KAZN: variants seen among roughly 807,000 people sequenced by gnomAD.
KAZN encodes kazrin.
In KAZN, 40 loss-of-function variants were observed where a neutral mutation model predicts 87.4. That is an observed-to-expected ratio of 0.46 (90% CI 0.36 to 0.60). The LOEUF is 0.60. KAZN is among the 20% of genes least tolerant of loss of function. The probability of loss-of-function intolerance (pLI) is 0.00; values close to 1 mark genes in which losing one functional copy is unlikely to be tolerated. For missense variants in KAZN, 898 were observed against 1,073.9 expected (o/e 0.84, Z 2.29); for synonymous variants, 466 against 458.3 (o/e 1.02, Z -0.22).
At chr1:15,019,194 TCCACTGCTCC>T (rs1240030561) in intron 2 of KAZN, among the ~76,000 whole-genome samples, 1 of 152,118 alleles carries the variant, frequency 6.6e-6, no homozygotes, top group Non-Finnish European at 1.5e-5. Context: ...ACCACCAGGC[TCCACTGCTCC>T]CCACTGCACC....
chr1:14,906,077 A>G (rs1391045710), intron 1 of KAZN, among the ~76,000 whole-genome samples: 1 of 151,410 alleles, frequency 6.6e-6, no homozygotes, highest in Non-Finnish European at 1.5e-5. Flanking sequence ...TGAGGCAGGA[A>G]AATCACTTGA....
At chr1:14,379,637 C>G (rs1198432893) in intron 2 of KAZN, among the ~76,000 whole-genome samples, 29 of 152,012 alleles carry the variant, frequency 1.9e-4, no homozygotes, top group Non-Finnish European at 1.5e-5. Flanking sequence ...GGGTGGTGGC[C>G]ATGGGATGAG....
At chr1:13,954,144 C>T (rs1267166829) in intron 1 of KAZN, among the ~76,000 whole-genome samples, 1 of 152,158 alleles carries the variant, frequency 6.6e-6, no homozygotes. Context: ...GCGGAGGTCG[C>T]AGTGAGCCGA....
intron 2 of KAZN, among the ~76,000 whole-genome samples, chr1:14,468,446 A>G (rs1253207818): frequency 6.6e-6 from 1 of 152,166 alleles, no homozygotes; most frequent in Non-Finnish European, 1.5e-5. Flanking sequence ...AGACTGAGGC[A>G]CAGGAAGATC....
chr1:14,300,770 G>A (rs550059835), intron 2 of KAZN, among the ~76,000 whole-genome samples: 14 of 152,284 alleles, frequency 9.2e-5, no homozygotes, highest in South Asian at 4.1e-4. Flanking sequence ...CACTTTTTCC[G>A]AGGAACCAAA....
intron 2 of KAZN, among the ~76,000 whole-genome samples, chr1:14,372,010 A>T (rs910573516): frequency 6.6e-6 from 1 of 152,240 alleles, no homozygotes; most frequent in East Asian, 1.9e-4. Context: ...TCACTTAGTC[A>T]TGTGAATAGT....
In KAZN at chr1:15,021,554, G is replaced by A. The variant is rs1350341748; in HGVS notation, c.419-13195G>A. On this transcript the variant is annotated intron_variant, in intron 2 of 14. Transcript: ENST00000376030. The surrounding 1 kb of genome is among the most constrained non-coding windows in gnomAD (Gnocchi z 4.2). ...TCCTGTCTCCCTCGGGGAGGAGCAG[G>A]CAGTGGGGGCCTGCTTCCCGGGGCC... 6.6e-6 allele frequency among the ~76,000 whole-genome samples: 1 copy of A among 152,156 alleles called. No homozygotes were observed. Among genetic ancestry groups the A allele is most frequent in the African/African-American group, 2.4e-5 (1 of 41,450 alleles).
At chr1:15,001,773 G>A (rs1354879022) in intron 2 of KAZN, among the ~76,000 whole-genome samples, 1 of 151,758 alleles carries the variant, frequency 6.6e-6, no homozygotes, top group Non-Finnish European at 1.5e-5. Flanking sequence ...TTGTTCAGAA[G>A]GTTCGTGAGG....
chr1:14,270,862 T>A (rs1291863135), intron 2 of KAZN, among the ~76,000 whole-genome samples: 1 of 152,130 alleles, frequency 6.6e-6, no homozygotes, highest in Non-Finnish European at 1.5e-5. Flanking sequence ...TTTTTACCCC[T>A]TCCATCCTCA....
chr1:14,832,971 T>C (rs1307888599), intron 1 of KAZN, among the ~76,000 whole-genome samples: 1 of 152,228 alleles, frequency 6.6e-6, no homozygotes, highest in Non-Finnish European at 1.5e-5. Flanking sequence ...AGGTGGACTA[T>C]ATGGCTTGCA....
intron 2 of KAZN, among the ~76,000 whole-genome samples, chr1:15,032,102 C>T (rs1458540796): frequency 2.0e-5 from 3 of 151,932 alleles, no homozygotes; most frequent in Non-Finnish European, 1.5e-5. Flanking sequence ...CCTCCCTCCC[C>T]GATCCACCCC....
At chr1:14,218,136 T>C (rs1646998685) in intron 2 of KAZN, among the ~76,000 whole-genome samples, 1 of 152,124 alleles carries the variant, frequency 6.6e-6, no homozygotes, top group South Asian at 2.1e-4. Flanking sequence ...CTGTTTCATA[T>C]ATAATGAAAT....
chr1:14,891,196 CG>C (rs907615593), intron 1 of KAZN, among the ~76,000 whole-genome samples: 3 of 151,926 alleles, frequency 2.0e-5, no homozygotes, highest in Non-Finnish European at 4.4e-5. Flanking sequence ...GGGGAACGGG[CG>C]GTGTCTGGTT....
intron 1 of KAZN, among the ~76,000 whole-genome samples, chr1:14,177,568 A>T (rs1191335810): frequency 1.3e-5 from 2 of 152,178 alleles, no homozygotes; most frequent in Non-Finnish European, 2.9e-5. Flanking sequence ...TTTTGCTTTC[A>T]GTACTTTCGA....
At chr1:14,801,067 TAC>T (rs1645997688) in intron 1 of KAZN, among the ~76,000 whole-genome samples, 1 of 146,012 alleles carries the variant, frequency 6.8e-6, no homozygotes, top group Non-Finnish European at 1.5e-5. Context: ...AAAAAAGAAA[TAC>T]GTGGGAGAAA....
chr1:14,673,775 T>G (rs1640058651), intron 1 of KAZN, among the ~76,000 whole-genome samples: 1 of 152,208 alleles, frequency 6.6e-6, no homozygotes, highest in Admixed American at 6.5e-5. Context: ...GGTCAACCCC[T>G]TCCCCTTCCC....
At chr1:14,668,997 T>G (rs1639747527) in intron 1 of KAZN, among the ~76,000 whole-genome samples, 1 of 152,228 alleles carries the variant, frequency 6.6e-6, no homozygotes, top group Non-Finnish European at 1.5e-5. Context: ...TATCATGGCC[T>G]TGGACAAAGG....
intron 1 of KAZN, among the ~76,000 whole-genome samples, chr1:14,897,100 T>C (rs1655361939): frequency 1.3e-5 from 2 of 152,230 alleles, no homozygotes; most frequent in African/African-American, 4.8e-5. Flanking sequence ...TTGGTGATTC[T>C]TTTGGCTCTG....
At chr1:14,064,101 A>G (rs970290188) in intron 1 of KAZN, among the ~76,000 whole-genome samples, 2 of 152,130 alleles carry the variant, frequency 1.3e-5, no homozygotes, top group Admixed American at 6.5e-5. Context: ...TATTTTTAGT[A>G]GAGATGGGGT....
Sources: gnomAD v4.1 joint callset for allele counts (sites outside exome capture counted in the v4.1 genomes callset) on GRCh38, gnomAD v4.1.1 for gene constraint, Gnocchi (gnomAD v3.1) non-coding constraint, MANE v1.5 for transcripts, NCBI Gene and HGNC (gene_info 2026-07-23, HGNC 2026-07-21) for gene names.